Variants in CAST observed in about 807,000 individuals in gnomAD.
CAST encodes the protein calpastatin.
A neutral mutation model predicts 119.6 loss-of-function variants in CAST; 76 were observed. The observed-to-expected ratio is 0.64, with a 90% CI of 0.53 to 0.77. The LOEUF is 0.77. CAST is among the 30% of genes least tolerant of loss of function. The probability of loss-of-function intolerance (pLI) is 0.00; values close to 1 mark genes in which losing one functional copy is unlikely to be tolerated. For missense variants in CAST, 953 were observed against 946.5 expected (o/e 1.01, Z -0.09); for synonymous variants, 319 against 331.6 (o/e 0.96, Z 0.41).
chr5:96,035,655 T>C, the CAST span, among the ~76,000 whole-genome samples: 1 of 151,776 alleles, frequency 6.6e-6, no homozygotes, highest in Non-Finnish European at 1.5e-5. Flanking sequence ...GTGGGAGGAA[T>C]TAGGTACCTA....
chr5:96,480,388 T>C, the CAST span, among the ~76,000 whole-genome samples: 1 of 152,202 alleles, frequency 6.6e-6, no homozygotes, highest in Admixed American at 6.5e-5. Flanking sequence ...TTTGGATGAC[T>C]GGCTTGGGAA....
At chr5:96,653,632 G>T (rs2150205413) in intron 1 of CAST, among the ~76,000 whole-genome samples, 1 of 152,298 alleles carries the variant, frequency 6.6e-6, no homozygotes, top group Non-Finnish European at 1.5e-5. Flanking sequence ...AATCATAGAT[G>T]AAATAAAAAT....
At chr5:96,067,872 TA>T in the CAST span, among the ~76,000 whole-genome samples, 5,584 of 143,330 alleles carry the variant, frequency 0.039, 118 homozygotes, top group African/African-American at 0.045. Flanking sequence ...AGTTTTCCCT[TA>T]AAAAAAAAAA....
At chr5:96,357,501 C>T in the CAST span, among the ~76,000 whole-genome samples, 1 of 152,046 alleles carries the variant, frequency 6.6e-6, no homozygotes, top group African/African-American at 2.4e-5. Flanking sequence ...TTTGAGATAC[C>T]TTCCAACGAT....
chr5:96,406,169 T>G, the CAST span, among the ~76,000 whole-genome samples: 1 of 152,316 alleles, frequency 6.6e-6, no homozygotes, highest in South Asian at 2.1e-4. Context: ...AGGTCTCGTT[T>G]GACCCCTTCA....
chr5:96,322,667 G>A, the CAST span, among the ~76,000 whole-genome samples: 2 of 152,152 alleles, frequency 1.3e-5, no homozygotes, highest in Non-Finnish European at 2.9e-5. Context: ...AGAACAAGGG[G>A]ACAGGGGCAG....
chr5:96,310,717 G>A, the CAST span, among the ~76,000 whole-genome samples: 2 of 150,418 alleles, frequency 1.3e-5, no homozygotes, highest in Non-Finnish European at 1.5e-5. Context: ...TAATTTTTTG[G>A]CATATAATTG....
the CAST span, among the ~76,000 whole-genome samples, chr5:96,200,854 GGCCAGCA>G: frequency 6.6e-6 from 1 of 152,046 alleles, no homozygotes; most frequent in South Asian, 2.1e-4. Context: ...AATAAATGTT[GGCCAGCA>G]GCCACAGTAT....
chr5:96,080,292 C>G, the CAST span, among the ~76,000 whole-genome samples: 1 of 152,202 alleles, frequency 6.6e-6, no homozygotes, highest in Non-Finnish European at 1.5e-5. Context: ...CACTAGGATA[C>G]TTTCCTGGAA....
chr5:96,113,102 A>G, the CAST span, among the ~76,000 whole-genome samples: 1 of 152,188 alleles, frequency 6.6e-6, no homozygotes, highest in African/African-American at 2.4e-5. Context: ...TTTTGTTTCA[A>G]AGTATTGATT....
chr5:96,385,222 G>T, the CAST span, among the ~76,000 whole-genome samples: 3 of 152,274 alleles, frequency 2.0e-5, no homozygotes, highest in African/African-American at 7.2e-5. Context: ...AAGAACGTTG[G>T]TTCCTTTCAA....
chr5:96,255,332 C>T, the CAST span, among the ~76,000 whole-genome samples: 1 of 152,070 alleles, frequency 6.6e-6, no homozygotes, highest in Admixed American at 6.6e-5. Flanking sequence ...AATAGCTGGC[C>T]TAAAACTCTT....
At chr5:96,617,614 C>T (rs779202015) in intron 1 of CAST, among the ~76,000 whole-genome samples, 1 of 150,984 alleles carries the variant, frequency 6.6e-6, no homozygotes, top group Non-Finnish European at 1.5e-5. Context: ...ACAGTGAAAC[C>T]CCGTCTCTAC....
At chr5:96,131,656 G>A in the CAST span, among the ~76,000 whole-genome samples, 4 of 152,132 alleles carry the variant, frequency 2.6e-5, no homozygotes, top group African/African-American at 4.8e-5. Flanking sequence ...AAAGCACCAA[G>A]GTATTTATTT....
At chr5:96,584,730 A>G (rs2150190122) in intron 1 of CAST, 1 of 152,310 alleles carries the variant, frequency 6.6e-6, no homozygotes, top group South Asian at 2.1e-4. Context: ...GAGTCTTTTC[A>G]AGTTAAACTC....
chr5:96,244,710 C>T, the CAST span, among the ~76,000 whole-genome samples: 2 of 152,184 alleles, frequency 1.3e-5, no homozygotes, highest in Non-Finnish European at 1.5e-5. Context: ...AAAGCCTGCA[C>T]TTTTTCTACT....
At chr5:96,164,891 C>T in the CAST span, among the ~76,000 whole-genome samples, 3 of 151,924 alleles carry the variant, frequency 2.0e-5, no homozygotes, top group Non-Finnish European at 4.4e-5. Flanking sequence ...GGCAATGATT[C>T]TGGAATCGTG....
the CAST span, chr5:96,433,219 C>A: frequency 1.5e-6 from 1 of 652,002 alleles, no homozygotes; most frequent in Non-Finnish European, 2.8e-6. Flanking sequence ...GGCGAGCGCT[C>A]AGTGAAGCGC....
chr5:96,295,959 A>G, the CAST span, among the ~76,000 whole-genome samples: 4 of 152,232 alleles, frequency 2.6e-5, no homozygotes, highest in Non-Finnish European at 5.9e-5. Flanking sequence ...TAAATGTGGT[A>G]TTATAGAAGA....
Sources: allele counts gnomAD v4.1 joint callset (sites outside exome capture counted in the v4.1 genomes callset), GRCh38; gene constraint gnomAD v4.1.1; transcripts MANE v1.5; gene names NCBI Gene and HGNC (gene_info 2026-07-23, HGNC 2026-07-21).